The following SEC23B variants were observed in gnomAD, a reference collection of about 807,000 sequenced individuals.
SEC23B encodes protein transport protein Sec23B.
SEC23B carries 77 observed loss-of-function variants against 104.3 expected under a neutral mutation model. That is an observed-to-expected ratio of 0.74 (90% CI 0.61 to 0.89). The LOEUF (loss-of-function observed/expected upper bound fraction) is 0.89. Among genes scored for constraint, SEC23B ranks in the 40% least tolerant of loss-of-function variants. SEC23B has a pLI of 0.00. For synonymous variants in SEC23B, 338 were observed against 332.5 expected, an observed-to-expected ratio of 1.02 and a Z score of -0.18; for missense variants, 885 against 949.4, an observed-to-expected ratio of 0.93 and a Z score of 0.89.
chr20:18,538,097 C>T (rs923994216), intron 12 of SEC23B, among the ~76,000 whole-genome samples: 2 of 152,042 alleles, frequency 1.3e-5, no homozygotes, highest in African/African-American at 4.8e-5. Context: ...GTGCCAGCCA[C>T]CATGTCTGGC....
Position 18,554,962 on chromosome 20 carries a change from TAAAACAATTCTAATTA to T in SEC23B, c.2149-145_2149-130del. 9 of 73,840 alleles carry T rather than the reference TAAAACAATTCTAATTA, an allele frequency of 1.2e-4. 2 individuals are homozygous for T. The highest frequency in any genetic ancestry group is 3.1e-3 in the Middle Eastern group (1 of 322). The allele number at this position is 73,840 out of a possible 1,614,324, so 4.6% of individuals were successfully genotyped here. A position where few individuals can be genotyped will look rare whatever the true frequency, so the allele number is the denominator to read the frequency against. ...GCTAAAGAAATAGATTACTGTGCAGTAAAACAATTCTAATTAGATTACTGTGCAGTAAAACAATTCT... is the reference window on the plus strand; with the variant it reads ...GCTAAAGAAATAGATTACTGTGCAGTGATTACTGTGCAGTAAAACAATTCT... On this transcript the variant is annotated intron_variant, in intron 18 of 19. Coordinates refer to ENST00000650089, the MANE Select transcript of SEC23B (RefSeq NM_006363.6).
chr20:18,560,096 T>TTG (rs10691267), intron 19 of SEC23B, among the ~76,000 whole-genome samples: 145,249 of 150,124 alleles, frequency 0.97, 70,304 homozygotes, highest in East Asian at 0.99. Context: ...AAGTGTATTA[T>TTG]TGTGTGTGTG....
chr20:18,560,712 A>G lies in SEC23B; in HGVS notation c.2276A>G (p.Lys759Arg). 1.2e-6 allele frequency: 2 copies of G among 1,613,998 alleles called. No homozygotes were observed. The highest frequency in any genetic ancestry group is 1.7e-6 in the Non-Finnish European group (2 of 1,179,818). ...CTGCAGGTGTTCATGGACCATTTGA[A>G]GAAGCTGGCTGTCTCCAGTGCCTGT... Reference protein sequence around the residue: ...VSLQVFMDHLKKLAVSSAC With the variant: ...VSLQVFMDHLRKLAVSSAC The change falls in exon 20 of 20, where the codon AAG becomes AGG. Residue 759 changes from lysine to arginine, a missense_variant. Lys to Arg is a conservative substitution (Grantham distance 26). Transcript: ENST00000650089.
chr20:18,545,248 G>T (rs1251625450), intron 14 of SEC23B, among the ~76,000 whole-genome samples: 5 of 152,120 alleles, frequency 3.3e-5, no homozygotes, highest in Non-Finnish European at 7.4e-5. Flanking sequence ...CCACAGTTAG[G>T]GGGAGGAGGA....
chr20:18,514,548 T>C (rs2060008345), intron 3 of SEC23B, among the ~76,000 whole-genome samples: 1 of 152,154 alleles, frequency 6.6e-6, no homozygotes, highest in South Asian at 2.1e-4. Flanking sequence ...TGGCCTGGAG[T>C]GATCATCTGC....
At chr20:18,556,722 G>C (rs1325843229) in intron 19 of SEC23B, among the ~76,000 whole-genome samples, 1 of 152,152 alleles carries the variant, frequency 6.6e-6, no homozygotes, top group Non-Finnish European at 1.5e-5. Context: ...TCTTGGCTGG[G>C]TGCGGTGGCT....
At chr20:18,555,036 C>CT (rs1214890503) in intron 18 of SEC23B, 72 bp from the exon 19 acceptor site, 2 of 1,400,852 alleles carry the variant, frequency 1.4e-6, no homozygotes, top group African/African-American at 2.9e-5. Flanking sequence ...AAAAACTTAT[C>CT]TTTTTTCTGT....
chr20:18,551,198 TTAA>T (rs780034218), intron 17 of SEC23B, 23 bp downstream of exon 17: 8 of 1,299,876 alleles, frequency 6.2e-6, no homozygotes, highest in Non-Finnish European at 5.5e-6. Context: ...TATTAATTAA[TTAA>T]TTTCTTTTTG....
chr20:18,527,467 T>A (rs7263397), intron 8 of SEC23B, 29 bp from the exon 9 acceptor site: 2 of 1,264,780 alleles, frequency 1.6e-6, no homozygotes, highest in African/African-American at 2.9e-5. Flanking sequence ...TGTCACTGTT[T>A]CCTAAAGATA....
At chr20:18,532,614 G>A (rs2060196845) in intron 10 of SEC23B, 50 bp from the exon 11 acceptor site, 1 of 1,262,658 alleles carries the variant, frequency 7.9e-7, no homozygotes, top group East Asian at 2.3e-5. Context: ...GATGACAGCA[G>A]GGTGGATTGA....
At chr20:18,510,502 C>A (rs1402322207) in intron 1 of SEC23B, among the ~76,000 whole-genome samples, 1 of 152,162 alleles carries the variant, frequency 6.6e-6, no homozygotes, top group Non-Finnish European at 1.5e-5. Context: ...CAGTGGGTCA[C>A]GCCTGTAATC....
At chr20:18,534,951 C>T (rs1232006243) in intron 11 of SEC23B, among the ~76,000 whole-genome samples, 1 of 152,150 alleles carries the variant, frequency 6.6e-6, no homozygotes, top group African/African-American at 2.4e-5. Context: ...CTTCACCTTC[C>T]AGCAGATAAT....
chr20:18,551,333 C>A (rs2060385342), intron 17 of SEC23B, among the ~76,000 whole-genome samples, 158 bp downstream of exon 17: 1 of 152,080 alleles, frequency 6.6e-6, no homozygotes, highest in South Asian at 2.1e-4. Flanking sequence ...ACATTTGTAA[C>A]CACAGTTTGG....
intron 19 of SEC23B, 86 bp from the exon 20 acceptor site, chr20:18,560,565 T>C: frequency 9.9e-7 from 1 of 1,014,844 alleles, no homozygotes; most frequent in Non-Finnish European, 1.6e-6. Flanking sequence ...CACCTGTGAA[T>C]GTTCTGAGGG....
At chr20:18,513,636 ACAGTGTACAATT>A (rs1243983966) in intron 3 of SEC23B, among the ~76,000 whole-genome samples, 3 of 152,238 alleles carry the variant, frequency 2.0e-5, no homozygotes, top group Non-Finnish European at 4.4e-5. Context: ...GATGAAGAGG[ACAGTGTACAATT>A]GATGACTGAC....
Position 18,527,614 on chromosome 20 carries a change from A to G in SEC23B, c.1109+3A>G, listed in dbSNP as rs1227406064. On this transcript the variant is annotated splice_donor_region_variant and intron_variant, in intron 9 of 19. Transcript: ENST00000650089. Reference sequence around the variant, plus strand: ...AAGTGTTGTGCAAATCTTACTGGGTATGTTGACAGTGAAAACCTGGGCAGA... The same window carrying G: ...AAGTGTTGTGCAAATCTTACTGGGTGTGTTGACAGTGAAAACCTGGGCAGA... 1.3e-6 allele frequency: 2 copies of G among 1,535,366 alleles called. No individual in the cohort carries two copies. The highest frequency in any genetic ancestry group is 1.8e-6 in the Non-Finnish European group (2 of 1,108,024).
chr20:18,510,681 G>A (rs1288737063), intron 1 of SEC23B, 141 bp from the exon 2 acceptor site: 5 of 679,748 alleles, frequency 7.4e-6, no homozygotes, highest in South Asian at 5.0e-5. Context: ...CAGGAGAATC[G>A]CTTGAACCCG....
At chr20:18,538,249 CTTT>C (rs34866001) in intron 12 of SEC23B, among the ~76,000 whole-genome samples, 40 of 114,628 alleles carry the variant, frequency 3.5e-4, no homozygotes, top group Admixed American at 2.8e-4. Context: ...CTGGGAATTT[CTTT>C]TTTTTTTTTT....
chr20:18,520,314 C>G (rs1457518881), intron 4 of SEC23B, among the ~76,000 whole-genome samples: 1 of 152,110 alleles, frequency 6.6e-6, no homozygotes, highest in Non-Finnish European at 1.5e-5. Context: ...AGGCTTTAAT[C>G]CATTTAAAGC....
Sources: allele counts gnomAD v4.1 joint callset (sites outside exome capture counted in the v4.1 genomes callset), GRCh38; gene constraint gnomAD v4.1.1; transcripts MANE v1.5; gene names NCBI Gene and HGNC (gene_info 2026-07-23, HGNC 2026-07-21).